The following AACS variants were observed in gnomAD, a reference collection of about 807,000 sequenced individuals.
The protein encoded by AACS is acetoacetate-CoA ligase.
In AACS, 69 loss-of-function variants were observed where a neutral mutation model predicts 83.1. The observed-to-expected ratio is 0.83, with a 90% CI of 0.68 to 1.01. The LOEUF is 1.01. AACS is among the 50% of genes least tolerant of loss of function. The pLI is 0.00. For synonymous variants in AACS, 333 were observed against 343.4 expected (o/e 0.97, Z 0.33); for missense variants, 866 against 882.2 (o/e 0.98, Z 0.23).
intron 4 of AACS, among the ~76,000 whole-genome samples, chr12:125,087,737 A>C (rs149217490): frequency 1.7e-4 from 26 of 152,344 alleles, no homozygotes; most frequent in African/African-American, 6.3e-4. Context: ...GTCATCTATA[A>C]GTGCAGTAAG....
At chr12:125,073,835 G>A (rs779784896) in intron 1 of AACS, 41 bp from the exon 2 acceptor site, 4 of 1,550,672 alleles carry the variant, frequency 2.6e-6, no homozygotes, top group East Asian at 2.2e-5. Context: ...GGATTGCCAA[G>A]ATTTCCCTTC....
chr12:125,081,053 C>A (rs944087822), intron 3 of AACS, among the ~76,000 whole-genome samples: 2 of 151,972 alleles, frequency 1.3e-5, no homozygotes. Context: ...AGTGCAGTGT[C>A]GTGATCACAG....
chr12:125,107,304 T>C, intron 8 of AACS, 36 bp downstream of exon 8: 1 of 1,603,890 alleles, frequency 6.2e-7, no homozygotes, highest in Non-Finnish European at 8.5e-7. Flanking sequence ...GGGCCTCCTG[T>C]TGTCTGTTTG....
At chr12:125,069,352 C>G (rs1955796479) in intron 1 of AACS, among the ~76,000 whole-genome samples, 2 of 152,228 alleles carry the variant, frequency 1.3e-5, no homozygotes. Flanking sequence ...CCGGCCGCCT[C>G]TCCGTGAGCC....
At chr12:125,098,183 A>C (rs1018334886) in intron 5 of AACS, among the ~76,000 whole-genome samples, 1 of 152,110 alleles carries the variant, frequency 6.6e-6, no homozygotes, top group Non-Finnish European at 1.5e-5. Context: ...TAATCCCAGC[A>C]CTTTGGGAGG....
chr12:125,134,814 A>T lies in AACS; in HGVS notation c.1640A>T (p.Asn547Ile), dbSNP rs145059717. 8.7e-6 allele frequency: 14 copies of T among 1,614,008 alleles called. No individual in the cohort carries two copies. The highest frequency in any genetic ancestry group is 1.1e-5 in the Non-Finnish European group (13 of 1,179,992). Reference protein sequence around the residue: ...LGRSDGTLNPNGVRFGSSEIY... With the variant: ...LGRSDGTLNPIGVRFGSSEIY... Reference sequence around the variant, plus strand: ...TCCAGTGACGGCACCCTCAACCCCAACGGGGTGCGGTTCGGCAGCTCGGAA... The same window carrying T: ...TCCAGTGACGGCACCCTCAACCCCATCGGGGTGCGGTTCGGCAGCTCGGAA... The change falls in exon 16 of 18, where the codon AAC becomes ATC. Residue 547 changes from asparagine to isoleucine, a missense_variant. By Grantham distance (149) the Asn-to-Ile change is moderately radical. Coordinates refer to ENST00000316519, the MANE Select transcript of AACS (RefSeq NM_023928.5).
chr12:125,131,196 C>T (rs1957324785), intron 14 of AACS, among the ~76,000 whole-genome samples: 1 of 152,170 alleles, frequency 6.6e-6, no homozygotes, highest in African/African-American at 2.4e-5. Flanking sequence ...GAGGACATAG[C>T]ATCCCTTTGG....
chr12:125,065,440 C>G lies in AACS; in HGVS notation c.-145C>G, dbSNP rs1237381720. On this transcript the variant is annotated 5_prime_UTR_variant, in exon 1 of 18. Coordinates refer to ENST00000316519, the MANE Select transcript of AACS (RefSeq NM_023928.5). ...GGAGGCGGCGGCGGCCGTTCAGTCC[C>G]TTGTTCCCCGCCGCCGCCGTCGCTG... The G allele has an allele frequency of 2.2e-6, 2 of 909,246 alleles. No individual in the cohort carries two copies. The highest frequency in any genetic ancestry group is 4.4e-5 in the Admixed American group (1 of 22,848). 56.3% of individuals were successfully genotyped at this position (909,246 alleles called of 1,614,324 possible).
Position 125,114,480 on chromosome 12 carries a change from AC to A in AACS, c.922del (p.Leu308SerfsTer5). Reference sequence around the variant, plus strand: ...CTCCCCCGTGTCTCCCCTGCAGGGCACCCTCATCCAGCATCTGAAGGAGCAC... The same window carrying A: ...CTCCCCCGTGTCTCCCCTGCAGGGCACCTCATCCAGCATCTGAAGGAGCAC... ...PKCMVHSAGG[T>X]LIQHLKEHLL... On this transcript the variant is annotated frameshift_variant, in exon 9 of 18. Transcript: ENST00000316519. LOFTEE classifies it high-confidence loss of function. The A allele has an allele frequency of 1.2e-6, 2 of 1,612,896 alleles. No homozygotes were observed. Among genetic ancestry groups the A allele is most frequent in the Non-Finnish European group, 1.7e-6 (2 of 1,179,494 alleles).
At chr12:125,133,850 A>G (rs1157157664) in intron 14 of AACS, among the ~76,000 whole-genome samples, 153 bp from the exon 15 acceptor site, 2 of 152,300 alleles carry the variant, frequency 1.3e-5, no homozygotes, top group Non-Finnish European at 2.9e-5. Context: ...TCCTTGGGGC[A>G]GGAACTGTCT....
intron 1 of AACS, 34 bp downstream of exon 1, chr12:125,065,751 G>C (rs902394456): frequency 1.3e-6 from 2 of 1,503,876 alleles, no homozygotes; most frequent in East Asian, 2.6e-5. Flanking sequence ...GCCTGCGGGG[G>C]ATGGGCGGGA....
At chr12:125,119,689 C>A (rs1957121228) in intron 10 of AACS, among the ~76,000 whole-genome samples, 1 of 152,208 alleles carries the variant, frequency 6.6e-6, no homozygotes, top group South Asian at 2.1e-4. Context: ...CACTGGGTCC[C>A]TCGTACGACA....
chr12:125,129,311 T>C lies in AACS; in HGVS notation c.1424-24T>C, dbSNP rs776081000. On this transcript the variant is annotated intron_variant, in intron 13 of 17. Transcript: ENST00000316519. The surrounding 1 kb of genome is among the most constrained non-coding windows in gnomAD (Gnocchi z 4.3). ...TGTGTGGCTGTGGTGTGTGTTGGGC[T>C]TATTTTTAATTCTCCCATACCAGGA... is the stretch of plus-strand genomic sequence containing the variant. 6.2e-7 allele frequency: 1 copy of C among 1,605,414 alleles called. No homozygotes were observed. Among genetic ancestry groups the C allele is most frequent in the Admixed American group, 1.7e-5 (1 of 58,444 alleles).
chr12:125,065,534 C>G lies in AACS; in HGVS notation c.-51C>G, dbSNP rs1175587818. On this transcript the variant is annotated 5_prime_UTR_variant, in exon 1 of 18. Coordinates refer to ENST00000316519, the MANE Select transcript of AACS (RefSeq NM_023928.5). ...CAGGTCCCCGGCCCTCGCCTCAGCCCCGGCCCCTGGTCCCCAGCCCTCGTC... is the reference window on the plus strand; with the variant it reads ...CAGGTCCCCGGCCCTCGCCTCAGCCGCGGCCCCTGGTCCCCAGCCCTCGTC... 19 of 1,455,304 alleles carry G rather than the reference C, an allele frequency of 1.3e-5. No homozygotes were observed. The highest frequency in any genetic ancestry group is 1.7e-5 in the Non-Finnish European group (19 of 1,104,528). 90.1% of individuals were successfully genotyped at this position (1,455,304 alleles called of 1,614,324 possible).
chr12:125,126,398 C>T (rs1345884814), intron 12 of AACS: 2 of 152,204 alleles, frequency 1.3e-5, no homozygotes, highest in Non-Finnish European at 2.9e-5. Context: ...AAGCCGACGT[C>T]GTTCCCTTCA....
rs1040019675 is a variant in AACS at position 125,130,180 on chromosome 12, A to G, written c.1549+720A>G. On this transcript the variant is annotated intron_variant, in intron 14 of 17. Transcript: ENST00000316519. This position sits in a 1 kb window ranked among gnomAD's most constrained non-coding sequence, Gnocchi z 4.9. ...CAAAAGGTAATCTGGTTTAGCACAG[A>G]CCACGTATGGAGAATCAGAAAGCGG... 6.6e-6 allele frequency among the ~76,000 whole-genome samples: 1 copy of G among 152,344 alleles called. No homozygotes were observed. The highest frequency in any genetic ancestry group is 3.4e-3 in the Middle Eastern group (1 of 294).
chr12:125,080,184 A>G (rs1956136654), intron 3 of AACS, among the ~76,000 whole-genome samples: 1 of 152,174 alleles, frequency 6.6e-6, no homozygotes, highest in Non-Finnish European at 1.5e-5. Context: ...CTCTTTCGTA[A>G]TCCTGAGAAG....
intron 1 of AACS, among the ~76,000 whole-genome samples, chr12:125,071,659 T>C (rs930956172): frequency 3.3e-5 from 5 of 152,272 alleles, no homozygotes; most frequent in Non-Finnish European, 5.9e-5. Flanking sequence ...AGAGTGTGTC[T>C]GAAGAGTCGC....
At chr12:125,078,409 T>C (rs956529747) in intron 3 of AACS, 10 of 446,960 alleles carry the variant, frequency 2.2e-5, no homozygotes, top group South Asian at 1.6e-4. Context: ...TTCTCAGCCT[T>C]GACATGGTCA....
Sources: allele counts gnomAD v4.1 joint callset (sites outside exome capture counted in the v4.1 genomes callset), GRCh38; gene constraint gnomAD v4.1.1; non-coding constraint Gnocchi (gnomAD v3.1); transcripts MANE v1.5; gene names NCBI Gene and HGNC (gene_info 2026-07-23, HGNC 2026-07-21).